ADGRB3: variants seen among roughly 807,000 people sequenced by gnomAD.
ADGRB3 encodes brain-specific angiogenesis inhibitor 3.
Under a neutral mutation model 193.4 loss-of-function variants are expected in ADGRB3, and 37 were observed. The observed-to-expected ratio is 0.19, with a 90% CI of 0.15 to 0.25. The LOEUF is 0.25. Ranked by LOEUF, ADGRB3 falls within the 10% of genes least tolerant of loss-of-function variation. The pLI is 1.00. For missense variants in ADGRB3, 1,637 were observed against 1,852.9 expected, an observed-to-expected ratio of 0.88 and a Z score of 2.14; for synonymous variants, 690 against 644.2, an observed-to-expected ratio of 1.07 and a Z score of -1.08.
intron 17 of ADGRB3, chr6:69,232,423 A>G (rs1368450949): frequency 1.4e-5 from 21 of 1,470,410 alleles, no homozygotes; most frequent in Non-Finnish European, 1.9e-5. Flanking sequence ...TTAGCATTTT[A>G]AATGGCTACA....
chr6:69,009,731 A>G (rs1254394588), intron 11 of ADGRB3, among the ~76,000 whole-genome samples: 1 of 151,970 alleles, frequency 6.6e-6, no homozygotes, highest in Admixed American at 6.6e-5. Flanking sequence ...ATTCTTTTAA[A>G]CCTTCAGATC....
intron 17 of ADGRB3, among the ~76,000 whole-genome samples, chr6:69,213,052 A>G (rs540536068): frequency 6.6e-6 from 1 of 152,304 alleles, no homozygotes; most frequent in African/African-American, 2.4e-5. Context: ...TAGTGCGGCT[A>G]TAGATGAAGT....
chr6:69,030,174 A>C (rs1047475800), intron 13 of ADGRB3, among the ~76,000 whole-genome samples: 2 of 152,112 alleles, frequency 1.3e-5, no homozygotes, highest in Non-Finnish European at 2.9e-5. Context: ...TGGGAGTGTA[A>C]ATTAGTTCAA....
rs1022491244 is a variant in ADGRB3 at position 69,341,825 on chromosome 6, T to C, written c.3459+2321T>C. ...ATTAAGGATGAAGTATTTCAGGCTTTAAGTAAGATACATGATGATATACCT... is the reference window on the plus strand; with the variant it reads ...ATTAAGGATGAAGTATTTCAGGCTTCAAGTAAGATACATGATGATATACCT... On this transcript the variant is annotated intron_variant, in intron 26 of 31. Coordinates refer to ENST00000370598, the MANE Select transcript of ADGRB3 (RefSeq NM_001704.3). 2.4e-4 allele frequency among the ~76,000 whole-genome samples: 37 copies of C among 152,268 alleles called. 1 individual carries two copies. Among genetic ancestry groups the C allele is most frequent in the African/African-American group, 8.7e-4 (36 of 41,574 alleles).
At chr6:69,043,132 TA>T (rs1472426355) in intron 13 of ADGRB3, among the ~76,000 whole-genome samples, 1 of 152,038 alleles carries the variant, frequency 6.6e-6, no homozygotes, top group Non-Finnish European at 1.5e-5. Flanking sequence ...TGAGGCAAGA[TA>T]TTTTTTTAAC....
At chr6:68,914,289 GA>G (rs1163322126) in intron 3 of ADGRB3, among the ~76,000 whole-genome samples, 1 of 151,940 alleles carries the variant, frequency 6.6e-6, no homozygotes, top group African/African-American at 2.4e-5. Context: ...AGGGCAGCCA[GA>G]GAGAAAGGTC....
intron 31 of ADGRB3, among the ~76,000 whole-genome samples, chr6:69,386,788 C>T (rs1362089464): frequency 6.6e-6 from 1 of 152,058 alleles, no homozygotes; most frequent in Non-Finnish European, 1.5e-5. Context: ...TATTCTGGCC[C>T]TAATGTTACT....
At chr6:69,074,164 A>G (rs78286953) in intron 16 of ADGRB3, among the ~76,000 whole-genome samples, 3 of 148,452 alleles carry the variant, frequency 2.0e-5, no homozygotes, top group Non-Finnish European at 4.5e-5. Flanking sequence ...AAAAAAAAAA[A>G]GTAAGATACC....
intron 3 of ADGRB3, among the ~76,000 whole-genome samples, chr6:68,847,037 G>T (rs79955159): frequency 6.6e-6 from 1 of 152,198 alleles, no homozygotes; most frequent in Non-Finnish European, 1.5e-5. Context: ...TGACCTGGAT[G>T]TGAGACGTGG....
rs903975348 is a variant in ADGRB3 at position 68,750,534 on chromosome 6, G to A, written c.757+111102G>A. ...TTGCACTGAAGCAAAATATTAAGAA[G>A]TAATGGCTGATTAAATTTTAATTTT... is the stretch of plus-strand genomic sequence containing the variant. On this transcript the variant is annotated intron_variant, in intron 3 of 31. Transcript: ENST00000370598. Among the ~76,000 whole-genome samples, 39 of 152,318 alleles carry A rather than the reference G, an allele frequency of 2.6e-4. 1 individual carries two copies. Among genetic ancestry groups the A allele is most frequent in the Admixed American group, 2.2e-3 (34 of 15,306 alleles).
chr6:68,781,909 G>C (rs886483812), intron 3 of ADGRB3, among the ~76,000 whole-genome samples: 2 of 152,096 alleles, frequency 1.3e-5, no homozygotes, highest in African/African-American at 2.4e-5. Context: ...AAGAAGGGAA[G>C]TGTAGGTAAT....
intron 3 of ADGRB3, among the ~76,000 whole-genome samples, chr6:68,913,636 C>T (rs1241652016): frequency 6.6e-6 from 1 of 152,196 alleles, no homozygotes; most frequent in African/African-American, 2.4e-5. Flanking sequence ...ATCAGAGTGC[C>T]TCTCCTCCTC....
chr6:68,823,825 G>A (rs553274293), intron 3 of ADGRB3, among the ~76,000 whole-genome samples: 40 of 152,214 alleles, frequency 2.6e-4, no homozygotes, highest in African/African-American at 9.1e-4. Context: ...AGTTAAAAGT[G>A]TCATCGGTGA....
At chr6:68,749,814 T>C (rs1292199187) in intron 3 of ADGRB3, among the ~76,000 whole-genome samples, 1 of 152,186 alleles carries the variant, frequency 6.6e-6, no homozygotes, top group Non-Finnish European at 1.5e-5. Context: ...TTAGGCAGAA[T>C]TCTTATACGT....
chr6:68,830,967 A>G (rs1253470825), intron 3 of ADGRB3, among the ~76,000 whole-genome samples: 2 of 151,564 alleles, frequency 1.3e-5, no homozygotes, highest in Admixed American at 6.6e-5. Flanking sequence ...AAAAAAAAAA[A>G]AGAGAATGCT....
At chr6:68,943,286 A>T (rs1019219341) in intron 5 of ADGRB3, among the ~76,000 whole-genome samples, 13 of 152,176 alleles carry the variant, frequency 8.5e-5, no homozygotes, top group African/African-American at 3.1e-4. Flanking sequence ...CCACATTTTT[A>T]AATGGCAAAA....
intron 13 of ADGRB3, among the ~76,000 whole-genome samples, chr6:69,036,804 C>T (rs757925355): frequency 5.9e-5 from 9 of 152,114 alleles, no homozygotes; most frequent in Non-Finnish European, 8.8e-5. Flanking sequence ...ACCGCAGAGA[C>T]GTACAGAGCC....
chr6:69,100,540 A>T (rs558706124), intron 17 of ADGRB3, among the ~76,000 whole-genome samples: 2 of 152,170 alleles, frequency 1.3e-5, no homozygotes, highest in Admixed American at 1.3e-4. Flanking sequence ...GTAACAGCTG[A>T]CCTTCTCCCA....
At chr6:68,765,282 A>G (rs1766486872) in intron 3 of ADGRB3, among the ~76,000 whole-genome samples, 1 of 152,062 alleles carries the variant, frequency 6.6e-6, no homozygotes, top group African/African-American at 2.4e-5. Context: ...CCAATTATGG[A>G]TGATGTTTAT....
Sources: gnomAD v4.1 joint callset for allele counts (sites outside exome capture counted in the v4.1 genomes callset) on GRCh38, gnomAD v4.1.1 for gene constraint, MANE v1.5 for transcripts, NCBI Gene and HGNC (gene_info 2026-07-23, HGNC 2026-07-21) for gene names.